CELF1: variants seen among roughly 807,000 people sequenced by gnomAD.
The protein encoded by CELF1 is 50 kDa nuclear polyadenylated RNA-binding protein.
Under a neutral mutation model 61.8 loss-of-function variants are expected in CELF1, and 10 were observed. The ratio of observed to expected loss-of-function variants is 0.16; its 90% CI spans 0.10 to 0.27. CELF1 has a LOEUF of 0.27. Ranked by LOEUF, CELF1 falls within the 10% of genes least tolerant of loss-of-function variation. CELF1 has a pLI of 1.00. For missense variants in CELF1, 380 were observed against 639.1 expected (o/e 0.59, Z 4.37); for synonymous variants, 236 against 225.1 (o/e 1.05, Z -0.43).
In CELF1 at chr11:47,471,897, T is replaced by C. The variant is rs532467563; in HGVS notation, c.*333A>G. 8.0e-5 allele frequency: 16 copies of C among 199,872 alleles called. No homozygotes were observed. The South Asian group carries it at 2.0e-3, about 25-fold the overall frequency. 12.4% of individuals were successfully genotyped at this position (199,872 alleles called of 1,614,324 possible). On this transcript the variant is annotated 3_prime_UTR_variant, in exon 15 of 15. Coordinates refer to ENST00000687097, the MANE Select transcript of CELF1 (RefSeq NM_001376376.1). ...CCCTGTCCCCCTTCCCCAGGGTGGT[T>C]TGGTGTTGGTCCTTCTCAACACACA... is the stretch of plus-strand genomic sequence containing the variant.
At chr11:47,516,500 C>T (rs1286355176) in intron 1 of CELF1, among the ~76,000 whole-genome samples, 3 of 152,094 alleles carry the variant, frequency 2.0e-5, no homozygotes, top group African/African-American at 7.2e-5. Flanking sequence ...TTAAATCTTC[C>T]GGGTATTGCA....
chr11:47,559,311 C>T (rs1048319773), intron 2 of CELF1, among the ~76,000 whole-genome samples: 6 of 150,996 alleles, frequency 4.0e-5, no homozygotes, highest in South Asian at 4.2e-4. Context: ...GTGATCTGCC[C>T]GCCTCAGGCT....
upstream of CELF1, among the ~76,000 whole-genome samples, chr11:47,555,154 T>G (rs780339804): frequency 2.6e-5 from 4 of 152,186 alleles, no homozygotes; most frequent in Non-Finnish European, 4.4e-5. Context: ...AATAGGTATA[T>G]CTAGGTGCCA....
At chr11:47,493,520 A>G (rs1295361581) in intron 3 of CELF1, among the ~76,000 whole-genome samples, 1 of 150,904 alleles carries the variant, frequency 6.6e-6, no homozygotes, top group Non-Finnish European at 1.5e-5. Flanking sequence ...AAAGAAAAAA[A>G]AAAAAAAAAA....
Position 47,471,978 on chromosome 11 carries a change from A to G in CELF1, c.*252T>C, listed in dbSNP as rs1365862927. The G allele has an allele frequency of 2.5e-6, 1 of 407,016 alleles. No homozygotes were observed. The highest frequency in any genetic ancestry group is 2.0e-5 in the African/African-American group (1 of 50,894). The allele number at this position is 407,016 out of a possible 1,614,324, so 25.2% of individuals were successfully genotyped here. A position where few individuals can be genotyped will look rare whatever the true frequency, so the allele number is the denominator to read the frequency against. ...AGGAGAAACAAAAACAAAAACAAAA[A>G]AAACCTCAGGATATGGCACCTAAAC... On this transcript the variant is annotated 3_prime_UTR_variant, in exon 15 of 15. Transcript: ENST00000687097.
intron 4 of CELF1, among the ~76,000 whole-genome samples, chr11:47,487,724 A>T (rs1039089474): frequency 6.6e-6 from 1 of 152,256 alleles, no homozygotes; most frequent in Non-Finnish European, 1.5e-5. Flanking sequence ...CACTTATTAA[A>T]TTATAAAATG....
chr11:47,529,312 G>A (rs1283457441), intron 1 of CELF1, among the ~76,000 whole-genome samples: 6 of 152,064 alleles, frequency 3.9e-5, no homozygotes, highest in African/African-American at 1.4e-4. Context: ...ACTTTGGGAG[G>A]CTGAGGCAGG....
chr11:47,475,190 G>C, intron 13 of CELF1, 146 bp downstream of exon 13: 1 of 688,486 alleles, frequency 1.5e-6, no homozygotes, highest in East Asian at 2.7e-5. Flanking sequence ...ACTTCACAGG[G>C]TTTCTCAGTC....
At chr11:47,502,693 G>A (rs533346147) in intron 1 of CELF1, among the ~76,000 whole-genome samples, 12 of 152,182 alleles carry the variant, frequency 7.9e-5, no homozygotes, top group African/African-American at 1.4e-4. Context: ...TTAGCTGGGC[G>A]TGGTGGCACA....
In CELF1 at chr11:47,505,661, A is replaced by G. The variant is rs563616662; in HGVS notation, c.-153-4729T>C. Among the ~76,000 whole-genome samples the G allele has an allele frequency of 2.1e-4, 30 of 144,382 alleles. No individual in the cohort carries two copies. In the South Asian group the frequency reaches 3.1e-3, roughly 15 times the overall value. The allele number at this position is 144,382 out of a possible 152,430, so 94.7% of individuals were successfully genotyped here. On this transcript the variant is annotated intron_variant, in intron 1 of 14. Transcript: ENST00000687097. ...CTGTCTCCAAAAAAAAAAAAAAATC[A>G]GTATGTTAGCCGGGCACAGTGGCTC...
intron 1 of CELF1, among the ~76,000 whole-genome samples, chr11:47,506,453 T>C (rs1319348802): frequency 1.3e-5 from 2 of 151,986 alleles, no homozygotes; most frequent in African/African-American, 4.8e-5. Flanking sequence ...AAAAATCTCA[T>C]GTTTTAAGAA....
intron 3 of CELF1, among the ~76,000 whole-genome samples, chr11:47,492,183 T>C (rs1011009366): frequency 2.0e-5 from 3 of 152,070 alleles, no homozygotes; most frequent in African/African-American, 7.2e-5. Flanking sequence ...TCTCACTATG[T>C]TGCAAGGGCT....
intron 1 of CELF1, among the ~76,000 whole-genome samples, chr11:47,548,412 G>T (rs1408588911): frequency 6.6e-6 from 1 of 152,194 alleles, no homozygotes; most frequent in Non-Finnish European, 1.5e-5. Context: ...TCATGGATAT[G>T]ACACCAAGTG....
chr11:47,512,239 G>A (rs1345915683), intron 1 of CELF1, among the ~76,000 whole-genome samples: 1 of 151,920 alleles, frequency 6.6e-6, no homozygotes, highest in Non-Finnish European at 1.5e-5. Flanking sequence ...TGCAACCTCC[G>A]CCTCCCAGGT....
intron 1 of CELF1, among the ~76,000 whole-genome samples, chr11:47,564,859 G>C (rs780428268): frequency 2.2e-4 from 33 of 152,134 alleles, no homozygotes; most frequent in African/African-American, 8.0e-4. Context: ...TAGGTTGCAG[G>C]TTTTATATTT....
At chr11:47,538,642 CAAA>C (rs33969247) in intron 1 of CELF1, among the ~76,000 whole-genome samples, 3 of 108,552 alleles carry the variant, frequency 2.8e-5, no homozygotes, top group Non-Finnish European at 3.4e-5. Context: ...GACTCCGTCT[CAAA>C]AAAAAAAAAA....
chr11:47,505,877 G>A (rs1262635795), intron 1 of CELF1, among the ~76,000 whole-genome samples: 1 of 148,872 alleles, frequency 6.7e-6, no homozygotes, highest in Non-Finnish European at 1.5e-5. Flanking sequence ...AGAGGCTGCA[G>A]TGAGCTGAGA....
intron 1 of CELF1, among the ~76,000 whole-genome samples, chr11:47,530,239 A>G (rs1301148145): frequency 2.0e-5 from 3 of 152,208 alleles, no homozygotes; most frequent in Non-Finnish European, 4.4e-5. Flanking sequence ...AGATGATATA[A>G]TAGAGTCAAC....
chr11:47,474,465 C>G (rs756294304), intron 13 of CELF1, among the ~76,000 whole-genome samples: 1 of 152,200 alleles, frequency 6.6e-6, no homozygotes, highest in Non-Finnish European at 1.5e-5. Flanking sequence ...TCTGACACTC[C>G]CTATCTCTCT....
Sources: allele counts gnomAD v4.1 joint callset (sites outside exome capture counted in the v4.1 genomes callset), GRCh38; gene constraint gnomAD v4.1.1; transcripts MANE v1.5; gene names NCBI Gene and HGNC (gene_info 2026-07-23, HGNC 2026-07-21).